The following TMEM243 variants were observed in gnomAD, a reference collection of about 807,000 sequenced individuals.
TMEM243 encodes the protein MDR1 and mitochondrial taxol resistance associated.
TMEM243 carries 20 observed loss-of-function variants against 15.0 expected under a neutral mutation model. The observed-to-expected ratio is 1.33, with a 90% CI of 0.94 to 1.93. The LOEUF (loss-of-function observed/expected upper bound fraction) is 1.93. Ranked by LOEUF, TMEM243 falls within the 30% of genes most tolerant of loss-of-function variation. The pLI is 0.00. For synonymous variants in TMEM243, 72 were observed against 52.7 expected (o/e 1.37, Z -1.59); for missense variants, 156 against 142.1 (o/e 1.10, Z -0.50).
intron 1 of TMEM243, among the ~76,000 whole-genome samples, chr7:87,209,798 C>G (rs1289746482): frequency 1.2e-5 from 1 of 86,754 alleles, no homozygotes; most frequent in South Asian, 4.2e-4. Flanking sequence ...GAGAGCGAGA[C>G]AGAGCGAGAG....
intron 1 of TMEM243, among the ~76,000 whole-genome samples, chr7:87,212,156 C>A (rs1802798118): frequency 6.6e-6 from 1 of 152,178 alleles, no homozygotes; most frequent in African/African-American, 2.4e-5. Flanking sequence ...AAGAGAGTAT[C>A]TGACATTCAG....
chr7:87,200,006 G>T (rs114968706), intron 1 of TMEM243, among the ~76,000 whole-genome samples: 3 of 152,086 alleles, frequency 2.0e-5, no homozygotes, highest in African/African-American at 4.8e-5. Flanking sequence ...GGAACATGCC[G>T]CCAATAAACA....
At chr7:87,198,944 T>C (rs1801584778) in intron 2 of TMEM243, 63 bp downstream of exon 2, 1 of 1,413,878 alleles carries the variant, frequency 7.1e-7, no homozygotes, top group Non-Finnish European at 9.5e-7. Flanking sequence ...AAGTTAACCA[T>C]AATTGATAAA....
chr7:87,208,006 A>G (rs1562883229), intron 1 of TMEM243, among the ~76,000 whole-genome samples: 1 of 152,082 alleles, frequency 6.6e-6, no homozygotes, highest in Non-Finnish European at 1.5e-5. Flanking sequence ...TGATTCAATC[A>G]TCTCCCACCG....
At chr7:87,197,895 A>G (rs748634917) in intron 3 of TMEM243, 46 bp downstream of exon 3, 1 of 1,612,176 alleles carries the variant, frequency 6.2e-7, no homozygotes, top group Non-Finnish European at 8.5e-7. Flanking sequence ...TGTGCATTGC[A>G]ACTTAAACCC....
intron 1 of TMEM243, among the ~76,000 whole-genome samples, chr7:87,202,603 G>C (rs918501736): frequency 9.2e-5 from 14 of 152,212 alleles, no homozygotes; most frequent in Admixed American, 2.0e-4. Flanking sequence ...CTAGGTTCCA[G>C]AAGACTGACT....
chr7:87,206,426 G>A (rs916828166), intron 1 of TMEM243, among the ~76,000 whole-genome samples: 5 of 152,176 alleles, frequency 3.3e-5, no homozygotes, highest in South Asian at 2.1e-4. Flanking sequence ...TTAATGATGG[G>A]AAAGACAGTC....
At chr7:87,217,835 G>A (rs1394787930) in intron 1 of TMEM243, among the ~76,000 whole-genome samples, 1 of 152,204 alleles carries the variant, frequency 6.6e-6, no homozygotes. Context: ...ATGGGCAATA[G>A]GAAACTGAAA....
At chr7:87,202,886 C>T (rs1801919284) in intron 1 of TMEM243, 1 of 152,190 alleles carries the variant, frequency 6.6e-6, no homozygotes, top group Non-Finnish European at 1.5e-5. Context: ...CTTTATGGTT[C>T]TGAATCACCA....
At position 87,196,691 on chromosome 7, in the gene TMEM243, G is replaced by C; in HGVS notation, c.302C>G (p.Ser101Cys). ...TGCACATATACACAACATGATGATA[G>C]AAAATATGATATAGTAAATTAGCTT... The part of the protein sequence containing the change: ...FRKLIYYIIF[S>C]IIMLCICANL... The change falls in exon 4 of 4, where the codon TCT (serine) becomes TGT (cysteine). Residue 101 changes from serine (S) to cysteine (C), a missense_variant. By Grantham distance (112) the Ser-to-Cys change is moderately radical. Coordinates refer to ENST00000257637, the MANE Select transcript of TMEM243 (RefSeq NM_024315.4). 1 of 1,610,012 alleles carries C rather than the reference G, an allele frequency of 6.2e-7. No homozygotes were observed. The highest frequency in any genetic ancestry group is 8.5e-7 in the Non-Finnish European group (1 of 1,177,918).
chr7:87,217,876 A>G (rs1480561244), intron 1 of TMEM243, among the ~76,000 whole-genome samples: 1 of 151,762 alleles, frequency 6.6e-6, no homozygotes, highest in Non-Finnish European at 1.5e-5. Flanking sequence ...AGCTGTTCAG[A>G]AAACATCAAT....
chr7:87,209,502 G>C (rs1375648070), intron 1 of TMEM243, among the ~76,000 whole-genome samples: 3 of 141,892 alleles, frequency 2.1e-5, no homozygotes, highest in African/African-American at 8.1e-5. Context: ...GAGAGAGAGA[G>C]AGTGAGAAAG....
At position 87,196,171 on chromosome 7, in the gene TMEM243, TTA is replaced by T. The variant is rs1801186697; in HGVS notation, c.*463_*464del. On this transcript the variant is annotated 3_prime_UTR_variant, in exon 4 of 4. Coordinates refer to ENST00000257637, the MANE Select transcript of TMEM243 (RefSeq NM_024315.4). ...CAAGAAAAAAAAACCCTTGTATAAA[TTA>T]TTTTATTTATTATTGTAATTAGATC... 6.5e-6 allele frequency: 1 copy of T among 153,398 alleles called. No homozygotes were observed. The highest frequency in any genetic ancestry group is 1.5e-5 in the Non-Finnish European group (1 of 68,690). 9.5% of individuals were successfully genotyped at this position (153,398 alleles called of 1,614,324 possible). A position where few individuals can be genotyped will look rare whatever the true frequency, so the allele number is the denominator to read the frequency against.
At position 87,197,959 on chromosome 7, in the gene TMEM243, A is replaced by G; in HGVS notation, c.216T>C (p.Ser72=). ...TACTTACAAGTATGCAGGCAGTAAT[A>G]CTACTCAAAGAGATGCAGACAGCAA... ...IFFAVCISLS[S]ITACILIYWY... is the part of the protein sequence containing the mutation. Residue 72 remains serine, a synonymous_variant, in exon 3 of 4, where the codon AGT becomes AGC. Coordinates refer to ENST00000257637, the MANE Select transcript of TMEM243 (RefSeq NM_024315.4). 6.2e-7 allele frequency: 1 copy of G among 1,613,102 alleles called. No homozygotes were observed.
chr7:87,200,805 T>C (rs187944118), intron 1 of TMEM243, among the ~76,000 whole-genome samples: 5 of 152,258 alleles, frequency 3.3e-5, no homozygotes, highest in South Asian at 2.1e-4. Context: ...CAGGCCTCCT[T>C]TCCCTATTTA....
intron 1 of TMEM243, among the ~76,000 whole-genome samples, chr7:87,212,942 C>T (rs970684570): frequency 2.0e-5 from 3 of 152,184 alleles, no homozygotes; most frequent in African/African-American, 7.2e-5. Context: ...AGTGCCAGGG[C>T]ACATCTTTGA....
At chr7:87,206,151 G>A (rs1391393820) in intron 1 of TMEM243, among the ~76,000 whole-genome samples, 1 of 152,100 alleles carries the variant, frequency 6.6e-6, no homozygotes, top group Non-Finnish European at 1.5e-5. Flanking sequence ...ACAGTATGGG[G>A]GAAACTGCCC....
At position 87,196,646 on chromosome 7, in the gene TMEM243, ACAT is replaced by A. The variant is rs1562873317; in HGVS notation, c.344_346del (p.Asp115del). 1.2e-6 allele frequency: 2 copies of A among 1,608,560 alleles called. No homozygotes were observed. Among genetic ancestry groups the A allele is most frequent in the Non-Finnish European group, 8.5e-7 (1 of 1,177,628 alleles). The stretch of plus-strand genomic sequence containing the variant: ...TTCTCCTTGGCAGCCTCACCTTCCC[ACAT>A]CATGGAAGTACAGGTTTGCACATAT... On this transcript the variant is annotated inframe_deletion, in exon 4 of 4. Transcript: ENST00000257637.
chr7:87,203,200 T>C (rs1180401765), intron 1 of TMEM243, among the ~76,000 whole-genome samples: 1 of 152,154 alleles, frequency 6.6e-6, no homozygotes, highest in African/African-American at 2.4e-5. Flanking sequence ...CCAAAATGAA[T>C]TTCAAGGGCA....
Sources: allele counts gnomAD v4.1 joint callset (sites outside exome capture counted in the v4.1 genomes callset), GRCh38; gene constraint gnomAD v4.1.1; transcripts MANE v1.5; gene names NCBI Gene and HGNC (gene_info 2026-07-23, HGNC 2026-07-21).